The following SRPK2 variants were observed in gnomAD, a reference collection of about 807,000 sequenced individuals.
SRPK2 encodes SRSF protein kinase 2, also known as SFRS protein kinase 2.
Under a neutral mutation model 90.8 loss-of-function variants are expected in SRPK2, and 21 were observed. That is an observed-to-expected ratio of 0.23 (90% CI 0.16 to 0.33). The LOEUF is 0.33. Ranked by LOEUF, SRPK2 falls within the 10% of genes least tolerant of loss-of-function variation. SRPK2 has a pLI of 1.00. For missense variants in SRPK2, 620 were observed against 869.0 expected (o/e 0.71, Z 3.60); for synonymous variants, 288 against 311.1 (o/e 0.93, Z 0.78).
At chr7:105,295,939 G>A (rs1279771989) in intron 2 of SRPK2, among the ~76,000 whole-genome samples, 1 of 152,172 alleles carries the variant, frequency 6.6e-6, no homozygotes, top group Admixed American at 6.5e-5. Flanking sequence ...AACACTGCTA[G>A]CAAATGAGTT....
At chr7:105,254,517 C>A (rs1464343799) in intron 2 of SRPK2, among the ~76,000 whole-genome samples, 1 of 152,052 alleles carries the variant, frequency 6.6e-6, no homozygotes, top group African/African-American at 2.4e-5. Flanking sequence ...TTCTATGCAA[C>A]CTTTATAAAT....
intron 3 of SRPK2, among the ~76,000 whole-genome samples, chr7:105,172,650 T>C (rs17640472): frequency 0.41 from 62,565 of 151,992 alleles, 14,855 homozygotes; most frequent in Non-Finnish European, 0.53. Flanking sequence ...CCAAGTATCA[T>C]AGATTATGAA....
rs117800437 is a variant in SRPK2, at chr7:105,320,731, C to T, written c.71+67917G>A. On this transcript the variant is annotated intron_variant, in intron 2 of 15. Transcript: ENST00000393651. ...TTTCCTTTTTTTAACCCATTTATGC[C>T]GAAGGTTGCAAACTTTTTTTGTGAA... Among the ~76,000 whole-genome samples, 427 of 152,142 alleles carry T rather than the reference C, an allele frequency of 2.8e-3. 10 individuals are homozygous for T. In the East Asian group the frequency reaches 0.055, roughly 19 times the overall value.
intron 2 of SRPK2, among the ~76,000 whole-genome samples, chr7:105,388,363 C>T (rs1452293553): frequency 6.6e-6 from 1 of 150,578 alleles, no homozygotes; most frequent in Non-Finnish European, 1.5e-5. Context: ...CCCTGCCCGG[C>T]GCCTTTCCGC....
intron 12 of SRPK2, 37 bp from the exon 13 acceptor site, chr7:105,132,935 C>A (rs764979799): frequency 1.2e-6 from 2 of 1,612,654 alleles, no homozygotes; most frequent in South Asian, 1.1e-5. Context: ...CGGAGCAACA[C>A]AGACATTCAA....
At chr7:105,251,337 T>A (rs1441402979) in intron 2 of SRPK2, among the ~76,000 whole-genome samples, 1 of 152,188 alleles carries the variant, frequency 6.6e-6, no homozygotes, top group Non-Finnish European at 1.5e-5. Flanking sequence ...AAATTATAAC[T>A]GATGAATACT....
At chr7:105,388,318 C>G (rs1249230616) in intron 2 of SRPK2, among the ~76,000 whole-genome samples, 4 of 151,370 alleles carry the variant, frequency 2.6e-5, no homozygotes, top group African/African-American at 4.8e-5. Context: ...CCGCGACCCC[C>G]GGGCCAGCTC....
intron 2 of SRPK2, among the ~76,000 whole-genome samples, chr7:105,299,757 G>T (rs1345171145): frequency 6.6e-6 from 1 of 152,080 alleles, no homozygotes; most frequent in Non-Finnish European, 1.5e-5. Context: ...AGCCAGGTGT[G>T]GTGGAGGGTG....
At chr7:105,302,511 C>CT (rs1810670108) in intron 2 of SRPK2, among the ~76,000 whole-genome samples, 1 of 152,176 alleles carries the variant, frequency 6.6e-6, no homozygotes, top group African/African-American at 2.4e-5. Context: ...GGCTTCTTAT[C>CT]TTAAATAAAG....
intron 2 of SRPK2, chr7:105,206,606 T>G (rs914542285): frequency 6.5e-6 from 1 of 152,874 alleles, no homozygotes; most frequent in African/African-American, 2.4e-5. Context: ...ATAGTTCAAC[T>G]GGCTGTCATA....
chr7:105,155,590 A>T (rs1434520813), intron 7 of SRPK2, among the ~76,000 whole-genome samples: 1 of 152,176 alleles, frequency 6.6e-6, no homozygotes, highest in East Asian at 1.9e-4. Context: ...TAAACATCCT[A>T]TCTGGTCTGA....
At chr7:105,222,102 G>A (rs963959203) in intron 2 of SRPK2, among the ~76,000 whole-genome samples, 4 of 152,164 alleles carry the variant, frequency 2.6e-5, no homozygotes, top group Non-Finnish European at 4.4e-5. Flanking sequence ...TATATACTGT[G>A]AAAAACATCT....
intron 2 of SRPK2, among the ~76,000 whole-genome samples, chr7:105,307,754 C>G (rs1811296445): frequency 6.6e-6 from 1 of 151,928 alleles, no homozygotes; most frequent in Non-Finnish European, 1.5e-5. Flanking sequence ...TTTGAATTTC[C>G]TAAGTTTAAC....
chr7:105,170,863 GAAAGAAAGA>G (rs1790828675), intron 3 of SRPK2, among the ~76,000 whole-genome samples: 4 of 78,384 alleles, frequency 5.1e-5, no homozygotes, highest in Admixed American at 1.6e-4. Flanking sequence ...AAGAAAGAAA[GAAAGAAAGA>G]AAGAAAGAAA....
chr7:105,264,297 T>G (rs1804745390), intron 2 of SRPK2, among the ~76,000 whole-genome samples: 1 of 152,186 alleles, frequency 6.6e-6, no homozygotes. Flanking sequence ...CACATCGCTA[T>G]GTATCACTTT....
rs572611324 is a variant in SRPK2 at position 105,259,284 on chromosome 7, T to C, written c.72-55499A>G. Among the ~76,000 whole-genome samples the C allele has an allele frequency of 5.3e-5, 8 of 152,278 alleles. No homozygotes were observed. In the South Asian group the frequency reaches 8.3e-4, roughly 16 times the overall value. ...ATCATGAGTGAACTCCCATTCACAA[T>C]TGCTTCAGAGAGAATAAAATACCTA... is the stretch of plus-strand genomic sequence containing the variant. On this transcript the variant is annotated intron_variant, in intron 2 of 15. Transcript: ENST00000393651.
intron 2 of SRPK2, among the ~76,000 whole-genome samples, chr7:105,378,918 A>G (rs945556720): frequency 4.6e-5 from 7 of 152,136 alleles, no homozygotes; most frequent in African/African-American, 1.7e-4. Flanking sequence ...GTGTCTTTAC[A>G]CTTGTGGGAG....
intron 2 of SRPK2, among the ~76,000 whole-genome samples, chr7:105,300,601 T>C (rs1302471710): frequency 6.6e-6 from 1 of 152,194 alleles, no homozygotes; most frequent in Non-Finnish European, 1.5e-5. Context: ...GAGAAAATTT[T>C]TGCAATCTAC....
intron 2 of SRPK2, chr7:105,206,307 G>A (rs190282125): frequency 1.6e-4 from 31 of 189,100 alleles, no homozygotes; most frequent in Admixed American, 3.8e-4. Context: ...ACTGCAGTAT[G>A]GAGAAGAGAT....
Sources: gnomAD v4.1 joint callset for allele counts (sites outside exome capture counted in the v4.1 genomes callset) on GRCh38, gnomAD v4.1.1 for gene constraint, MANE v1.5 for transcripts, NCBI Gene and HGNC (gene_info 2026-07-23, HGNC 2026-07-21) for gene names.